Variants in NEDD9 observed in about 807,000 individuals in gnomAD.
NEDD9 encodes neural precursor cell expressed, developmentally down-regulated 9.
NEDD9 carries 26 observed loss-of-function variants against 76.6 expected under a neutral mutation model. The observed-to-expected ratio is 0.34, with a 90% CI of 0.25 to 0.47. The LOEUF is 0.47. Ranked by LOEUF, NEDD9 falls within the 20% of genes least tolerant of loss-of-function variation. The probability of loss-of-function intolerance (pLI) is 1.00; values close to 1 mark genes in which losing one functional copy is unlikely to be tolerated. For missense variants in NEDD9, 937 were observed against 1,058.5 expected (o/e 0.89, Z 1.59); for synonymous variants, 392 against 414.2 (o/e 0.95, Z 0.65).
At chr6:11,192,670 C>T in intron 3 of NEDD9, 3 of 393,740 alleles carry the variant, frequency 7.6e-6, no homozygotes, top group Middle Eastern at 7.1e-4. Context: ...CACGGTGGCT[C>T]ACGCCTGTAA....
intron 3 of NEDD9, among the ~76,000 whole-genome samples, chr6:11,192,813 G>C (rs1758190656): frequency 6.6e-6 from 1 of 150,616 alleles, no homozygotes; most frequent in African/African-American, 2.4e-5. Flanking sequence ...CACACCTGTA[G>C]TCCCAGCTAC....
At chr6:11,249,427 A>C (rs149169700) in intron 3 of NEDD9, among the ~76,000 whole-genome samples, 12 of 152,336 alleles carry the variant, frequency 7.9e-5, no homozygotes, top group African/African-American at 2.9e-4. Context: ...AGGTGGCTCA[A>C]ATTCTAGACA....
intron 1 of NEDD9, among the ~76,000 whole-genome samples, chr6:11,358,638 G>T (rs1158464722): frequency 1.3e-5 from 2 of 152,196 alleles, no homozygotes. Context: ...GCGGGTGGTG[G>T]TTGACAGGGT....
At chr6:11,235,029 T>C (rs1030425390), upstream of NEDD9, among the ~76,000 whole-genome samples, 1 of 152,120 alleles carries the variant, frequency 6.6e-6, no homozygotes, top group Non-Finnish European at 1.5e-5. This position sits in a 1 kb window ranked among gnomAD's most constrained non-coding sequence, Gnocchi z 4.1. Flanking sequence ...CTTCTTAATT[T>C]TGATGTCCTT....
chr6:11,232,274 C>T (rs1004534516), intron 1 of NEDD9, among the ~76,000 whole-genome samples: 1 of 152,192 alleles, frequency 6.6e-6, no homozygotes, highest in Non-Finnish European at 1.5e-5. Context: ...ATTTCCCCGG[C>T]AACTTTCAGA....
chr6:11,371,493 T>C (rs746610387), intron 1 of NEDD9, among the ~76,000 whole-genome samples: 1 of 152,244 alleles, frequency 6.6e-6, no homozygotes, highest in Non-Finnish European at 1.5e-5. Context: ...GTTTTATCTT[T>C]TCCAGAACGT....
chr6:11,240,145 A>G lies in NEDD9; in HGVS notation c.13-26418T>C, dbSNP rs181971403. On this transcript the variant is annotated intron_variant, in intron 3 of 3. Coordinates refer to the NEDD9 transcript ENST00000397378. ...ACTCGTGATCCCTGAATTTCTTCTC[A>G]TTTGGTTCCCTCCTAACTCATTTCG... Among the ~76,000 whole-genome samples, 4 of 151,488 alleles carry G rather than the reference A, an allele frequency of 2.6e-5. No homozygotes were observed. The South Asian group carries it at 8.3e-4, about 32-fold the overall frequency.
intron 3 of NEDD9, among the ~76,000 whole-genome samples, chr6:11,255,425 G>A (rs1404419212): frequency 6.6e-6 from 1 of 152,206 alleles, no homozygotes; most frequent in Non-Finnish European, 1.5e-5. Context: ...TGGTGTATGA[G>A]GCATGATCTG....
At chr6:11,289,689 G>T (rs1760725486) in intron 3 of NEDD9, among the ~76,000 whole-genome samples, 1 of 152,234 alleles carries the variant, frequency 6.6e-6, no homozygotes, top group Admixed American at 6.5e-5. Context: ...CTGACCTCAT[G>T]ATCTGCCTGC....
At chr6:11,375,983 C>T (rs944952466) in intron 1 of NEDD9, among the ~76,000 whole-genome samples, 3 of 152,164 alleles carry the variant, frequency 2.0e-5, no homozygotes, top group African/African-American at 7.2e-5. Context: ...CGTCACCACA[C>T]CCAGCTAATT....
chr6:11,373,921 G>C (rs963875725), intron 1 of NEDD9, among the ~76,000 whole-genome samples: 1 of 152,212 alleles, frequency 6.6e-6, no homozygotes, highest in African/African-American at 2.4e-5. Context: ...AATTCAGCTA[G>C]CAGAGTGCCT....
chr6:11,327,026 T>C (rs1468032731), intron 2 of NEDD9, among the ~76,000 whole-genome samples: 3 of 152,222 alleles, frequency 2.0e-5, no homozygotes, highest in Non-Finnish European at 4.4e-5. Flanking sequence ...ATGTAACTTA[T>C]TAATCAAACT....
At chr6:11,294,017 GTGTGTA>G (rs757907996) in intron 3 of NEDD9, among the ~76,000 whole-genome samples, 7 of 150,558 alleles carry the variant, frequency 4.6e-5, no homozygotes, top group African/African-American at 9.9e-5. Context: ...GTGTGTGTGT[GTGTGTA>G]TGTGTGTATG....
chr6:11,305,009 G>C, intron 3 of NEDD9: 1 of 1,139,244 alleles, frequency 8.8e-7, no homozygotes, highest in Non-Finnish European at 1.1e-6. Flanking sequence ...GCCTTCCAGG[G>C]AAATCCTTTT....
At chr6:11,197,047 T>G in intron 2 of NEDD9, among the ~76,000 whole-genome samples, 1 of 151,982 alleles carries the variant, frequency 6.6e-6, no homozygotes, top group East Asian at 1.9e-4. Flanking sequence ...TCCAACGATC[T>G]CTCCTCATTC....
intron 3 of NEDD9, chr6:11,251,467 G>T (rs1027845060): frequency 6.6e-6 from 1 of 152,150 alleles, no homozygotes; most frequent in African/African-American, 2.4e-5. Flanking sequence ...CATCTTCCTC[G>T]GTCACGGTCA....
chr6:11,311,540 A>G (rs892031886), intron 2 of NEDD9, among the ~76,000 whole-genome samples: 3 of 152,170 alleles, frequency 2.0e-5, no homozygotes, highest in Non-Finnish European at 2.9e-5. Flanking sequence ...TGACTTTTCC[A>G]TCTTATGCAA....
chr6:11,184,387 A>T lies in NEDD9; in HGVS notation c.*775T>A, dbSNP rs545909954. The stretch of plus-strand genomic sequence containing the variant: ...AAAACCTCATGACTGAACCACTCAC[A>T]AATGCAGAAGATTGAACAGCCCCAG... On this transcript the variant is annotated 3_prime_UTR_variant, in exon 7 of 7. Transcript: ENST00000379446. 6.6e-6 allele frequency: 1 copy of T among 152,208 alleles called. No individual in the cohort carries two copies. Among genetic ancestry groups the T allele is most frequent in the Non-Finnish European group, 1.5e-5 (1 of 68,040 alleles). 9.4% of individuals were successfully genotyped at this position (152,208 alleles called of 1,614,324 possible). A position where few individuals can be genotyped will look rare whatever the true frequency, so the allele number is the denominator to read the frequency against.
At chr6:11,355,713 A>C (rs1490690686) in intron 1 of NEDD9, among the ~76,000 whole-genome samples, 1 of 149,452 alleles carries the variant, frequency 6.7e-6, no homozygotes. Context: ...TGAGAGCTTT[A>C]GGTTTTTTTT....
Sources: allele counts gnomAD v4.1 joint callset (sites outside exome capture counted in the v4.1 genomes callset), GRCh38; gene constraint gnomAD v4.1.1; non-coding constraint Gnocchi (gnomAD v3.1); transcripts MANE v1.5; gene names NCBI Gene and HGNC (gene_info 2026-07-23, HGNC 2026-07-21).